The following CDH19 variants were observed in gnomAD, a reference collection of about 807,000 sequenced individuals.
CDH19 encodes the protein cadherin-19.
Under a neutral mutation model 64.2 loss-of-function variants are expected in CDH19, and 67 were observed. The observed-to-expected ratio is 1.04, with a 90% CI of 0.86 to 1.28. CDH19 has a LOEUF of 1.28. Among genes scored for constraint, CDH19 ranks in the 50% most tolerant of loss-of-function variants. The pLI, the probability that CDH19 is intolerant of heterozygous loss-of-function variation, is 0.00. For synonymous variants in CDH19, 346 were observed against 319.3 expected (o/e 1.08, Z -0.89); for missense variants, 1,030 against 929.0 (o/e 1.11, Z -1.41).
chr18:66,535,232 G>T, intron 7 of CDH19, 125 bp from the exon 8 acceptor site: 1 of 451,272 alleles, frequency 2.2e-6, no homozygotes, highest in East Asian at 3.6e-5. Flanking sequence ...ATATAATACC[G>T]AACAACTTTT....
chr18:66,552,715 T>C (rs143444629), intron 4 of CDH19, among the ~76,000 whole-genome samples: 1 of 134,772 alleles, frequency 7.4e-6, no homozygotes, highest in Non-Finnish European at 1.5e-5. Context: ...TTTGTCGTTG[T>C]CCATACCAAC....
In CDH19 at chr18:66,553,033, C is replaced by T. The variant is rs557250899; in HGVS notation, c.610+1372G>A. 1.1e-3 allele frequency among the ~76,000 whole-genome samples: 141 copies of T among 134,032 alleles called. 18 individuals carry two copies. Among genetic ancestry groups the T allele is most frequent in the Admixed American group, 2.4e-3 (33 of 13,866 alleles). 87.9% of individuals were successfully genotyped at this position (134,032 alleles called of 152,430 possible). On this transcript the variant is annotated intron_variant, in intron 4 of 11. Coordinates refer to ENST00000262150, the MANE Select transcript of CDH19 (RefSeq NM_021153.4). ...AGACTCAGCTAAACTTTCTGATTTC[C>T]GTGTATTCTGCCTTGACCACACAAC...
At chr18:66,601,263 C>A (rs909972664) in intron 1 of CDH19, among the ~76,000 whole-genome samples, 3 of 151,614 alleles carry the variant, frequency 2.0e-5, no homozygotes, top group East Asian at 3.9e-4. Flanking sequence ...AACTTAAAGT[C>A]AAAAAAATAG....
At chr18:66,593,375 T>A (rs1201469451) in intron 1 of CDH19, among the ~76,000 whole-genome samples, 2 of 151,948 alleles carry the variant, frequency 1.3e-5, no homozygotes, top group Non-Finnish European at 2.9e-5. Context: ...TACAAAAAAA[T>A]TTATCAATGT....
At chr18:66,534,477 T>A (rs893530020) in intron 8 of CDH19, among the ~76,000 whole-genome samples, 1 of 152,026 alleles carries the variant, frequency 6.6e-6, no homozygotes, top group Non-Finnish European at 1.5e-5. Context: ...TAAGAAAAGA[T>A]GCATCTGAGA....
intron 5 of CDH19, among the ~76,000 whole-genome samples, chr18:66,545,377 TTC>T (rs1987072232): frequency 1.3e-5 from 2 of 151,634 alleles, no homozygotes; most frequent in African/African-American, 2.4e-5. Flanking sequence ...TCTTTTTTCT[TTC>T]TCTTTTTCCT....
At chr18:66,515,114 A>G (rs147639905) in intron 9 of CDH19, among the ~76,000 whole-genome samples, 1 of 151,698 alleles carries the variant, frequency 6.6e-6, no homozygotes, top group African/African-American at 2.4e-5. Flanking sequence ...AACAATAAAA[A>G]AATGCTTCTC....
Position 66,509,044 on chromosome 18 carries a change from G to T in CDH19, c.1779C>A (p.Phe593Leu). 6.2e-7 allele frequency: 1 copy of T among 1,612,820 alleles called. No individual in the cohort carries two copies. Among genetic ancestry groups the T allele is most frequent in the Non-Finnish European group, 8.5e-7 (1 of 1,179,254 alleles). ...GAATAGCAATGATGACTTCTGTCTT[G>T]AATCCCATGGAAAGCACAAGCTCCT... Reference protein sequence around the residue: ...QYQELVLSMGFKTEVIIAILI... With the variant: ...QYQELVLSMGLKTEVIIAILI... Residue 593 changes from phenylalanine to leucine, a missense_variant, in exon 11 of 12, where the codon TTC (phenylalanine) becomes TTA (leucine). Phe to Leu is a conservative substitution (Grantham distance 22). Coordinates refer to ENST00000262150, the MANE Select transcript of CDH19 (RefSeq NM_021153.4).
At chr18:66,547,041 G>T (rs1430454967) in intron 5 of CDH19, among the ~76,000 whole-genome samples, 2 of 152,072 alleles carry the variant, frequency 1.3e-5, no homozygotes, top group African/African-American at 2.4e-5. Flanking sequence ...GATCAGACGT[G>T]CATTTTAACA....
chr18:66,578,152 A>G (rs1230568024), intron 1 of CDH19, among the ~76,000 whole-genome samples: 1 of 151,920 alleles, frequency 6.6e-6, no homozygotes, highest in Non-Finnish European at 1.5e-5. Flanking sequence ...GAAGACCTTG[A>G]TATCTCTGCG....
At chr18:66,524,189 A>AT (rs1441872871) in intron 9 of CDH19, among the ~76,000 whole-genome samples, 1 of 151,194 alleles carries the variant, frequency 6.6e-6, no homozygotes. Flanking sequence ...CTTTATTTTT[A>AT]TTTTTTTCCT....
intron 9 of CDH19, among the ~76,000 whole-genome samples, chr18:66,524,554 AT>A (rs1986140373): frequency 7.2e-6 from 1 of 139,054 alleles, no homozygotes; most frequent in Non-Finnish European, 1.6e-5. Flanking sequence ...ATATATATAT[AT>A]ATATATATAT....
chr18:66,558,896 G>A (rs908584091), intron 3 of CDH19, among the ~76,000 whole-genome samples: 3 of 151,984 alleles, frequency 2.0e-5, no homozygotes, highest in Non-Finnish European at 2.9e-5. Flanking sequence ...ACTGTGTCAT[G>A]TTTGAGTCAT....
At chr18:66,506,847 C>T (rs1436259822) in intron 11 of CDH19, among the ~76,000 whole-genome samples, 5 of 151,842 alleles carry the variant, frequency 3.3e-5, no homozygotes. Flanking sequence ...TTATATAAAA[C>T]TTGCATTTAA....
intron 9 of CDH19, among the ~76,000 whole-genome samples, chr18:66,511,911 C>A (rs1391180197): frequency 6.6e-6 from 1 of 151,504 alleles, no homozygotes; most frequent in Non-Finnish European, 1.5e-5. Flanking sequence ...AATAAACAAA[C>A]TCTTGTTGAT....
At chr18:66,601,495 G>T (rs1016978484) in intron 1 of CDH19, among the ~76,000 whole-genome samples, 2 of 151,922 alleles carry the variant, frequency 1.3e-5, no homozygotes, top group Admixed American at 1.3e-4. Flanking sequence ...GCTCTGGTAT[G>T]TTGAGAAACC....
intron 1 of CDH19, among the ~76,000 whole-genome samples, chr18:66,575,220 G>A (rs1988231231): frequency 6.6e-6 from 1 of 151,704 alleles, no homozygotes; most frequent in Non-Finnish European, 1.5e-5. Context: ...TATGGACTCT[G>A]GGGTCGGGGG....
intron 4 of CDH19, among the ~76,000 whole-genome samples, chr18:66,552,738 A>G (rs1987389497): frequency 7.4e-6 from 1 of 134,642 alleles, no homozygotes. Flanking sequence ...TTCTCCAGCA[A>G]TGCAAGTAAT....
chr18:66,553,903 T>C (rs961316709), intron 4 of CDH19, among the ~76,000 whole-genome samples: 3 of 134,128 alleles, frequency 2.2e-5, no homozygotes, highest in Middle Eastern at 3.3e-3. Context: ...ATCTGTAAAA[T>C]ACAGAATTAT....
Sources: gnomAD v4.1 joint callset for allele counts (sites outside exome capture counted in the v4.1 genomes callset) on GRCh38, gnomAD v4.1.1 for gene constraint, MANE v1.5 for transcripts, NCBI Gene and HGNC (gene_info 2026-07-23, HGNC 2026-07-21) for gene names.